Variants in WWTR1 observed in about 807,000 individuals in gnomAD.
WWTR1 encodes the protein WW domain containing transcription regulator 1, also known as WW domain-containing transcription regulator protein 1.
In WWTR1, 13 loss-of-function variants were observed where a neutral mutation model predicts 40.1. The ratio of observed to expected loss-of-function variants is 0.32; its 90% CI spans 0.21 to 0.52. The LOEUF (loss-of-function observed/expected upper bound fraction) is 0.52. WWTR1 is among the 20% of genes least tolerant of loss of function. WWTR1 has a pLI of 0.97. For missense variants in WWTR1, 436 were observed against 523.1 expected (o/e 0.83, Z 1.63); for synonymous variants, 230 against 210.1 (o/e 1.09, Z -0.82).
intron 2 of WWTR1, among the ~76,000 whole-genome samples, chr3:149,647,651 T>C (rs1712612874): frequency 6.6e-6 from 1 of 152,194 alleles, no homozygotes; most frequent in Non-Finnish European, 1.5e-5. Context: ...CACCCACAAT[T>C]TTGGAACTGT....
chr3:149,519,754 C>A lies in WWTR1; in HGVS notation c.*1051G>T, dbSNP rs1320039702. ...ATCAGGAGTTTGAGAACAGCCTGACCATTATGGTGAAACCCCGTCTCTACT... is the reference window on the plus strand; with the variant it reads ...ATCAGGAGTTTGAGAACAGCCTGACAATTATGGTGAAACCCCGTCTCTACT... On this transcript the variant is annotated 3_prime_UTR_variant, in exon 7 of 7. Coordinates refer to ENST00000360632, the MANE Select transcript of WWTR1 (RefSeq NM_015472.6). 10 of 152,118 alleles carry A rather than the reference C, an allele frequency of 6.6e-5. No homozygotes were observed. The highest frequency in any genetic ancestry group is 1.3e-4 in the Admixed American group (2 of 15,274). The allele number at this position is 152,118 out of a possible 1,614,324, so 9.4% of individuals were successfully genotyped here.
intron 1 of WWTR1, among the ~76,000 whole-genome samples, chr3:149,686,844 C>T (rs1559841377): frequency 6.6e-6 from 1 of 152,244 alleles, no homozygotes; most frequent in East Asian, 1.9e-4. Context: ...CATTGCTATC[C>T]ACCCCGCTTC....
intron 2 of WWTR1, among the ~76,000 whole-genome samples, chr3:149,586,859 G>T (rs1444907228): frequency 6.6e-6 from 1 of 152,204 alleles, no homozygotes; most frequent in African/African-American, 2.4e-5. Flanking sequence ...CATAAGGATA[G>T]GGTTCAGAGA....
intron 1 of WWTR1, among the ~76,000 whole-genome samples, chr3:149,679,528 C>T (rs1313747076): frequency 6.6e-6 from 1 of 151,992 alleles, no homozygotes; most frequent in African/African-American, 2.4e-5. Flanking sequence ...TTTAGCTGGA[C>T]TGATCCTAGC....
intron 6 of WWTR1, among the ~76,000 whole-genome samples, chr3:149,525,008 C>T (rs1002388062): frequency 6.6e-6 from 1 of 152,132 alleles, no homozygotes; most frequent in African/African-American, 2.4e-5. Flanking sequence ...GCTAATAAGA[C>T]TAACTTCAGT....
At chr3:149,591,496 A>G (rs1415876119) in intron 2 of WWTR1, among the ~76,000 whole-genome samples, 1 of 152,238 alleles carries the variant, frequency 6.6e-6, no homozygotes, top group Non-Finnish European at 1.5e-5. Flanking sequence ...TGTTCAGTCT[A>G]TAATAAGCTA....
At chr3:149,602,728 G>A (rs1576590466) in intron 2 of WWTR1, among the ~76,000 whole-genome samples, 1 of 152,154 alleles carries the variant, frequency 6.6e-6, no homozygotes, top group African/African-American at 2.4e-5. Flanking sequence ...GCAGTGGCAC[G>A]ATCTCGGCTC....
chr3:149,688,541 CA>C (rs1714722738), intron 1 of WWTR1, among the ~76,000 whole-genome samples: 1 of 152,202 alleles, frequency 6.6e-6, no homozygotes, highest in African/African-American at 2.4e-5. Context: ...AGTACTTCTA[CA>C]AGTCTGCAAG....
intron 2 of WWTR1, among the ~76,000 whole-genome samples, chr3:149,597,596 G>C (rs1576587646): frequency 6.6e-6 from 1 of 152,146 alleles, no homozygotes; most frequent in East Asian, 1.9e-4. Flanking sequence ...GCTGTGAGCT[G>C]TGTGAGAGTG....
intron 2 of WWTR1, among the ~76,000 whole-genome samples, chr3:149,584,832 T>C (rs1489928250): frequency 6.6e-6 from 1 of 152,148 alleles, no homozygotes; most frequent in African/African-American, 2.4e-5. Context: ...CAATGTAAAA[T>C]GGGCATAAGA....
In WWTR1 at chr3:149,527,931, C is replaced by G. The variant is rs147102705; in HGVS notation, c.810G>C (p.Glu270Asp). Residue 270 changes from glutamate (E) to aspartate (D), a missense_variant, in exon 5 of 7, where the codon GAG (glutamate) becomes GAC (aspartate). By Grantham distance (45) the Glu-to-Asp change is conservative. Transcript: ENST00000360632. ...CAGCAGCCTGAACTGGGGCAAGAGT[C>G]TCAGCTTCCATGGGGAGCTGTCGAC... The part of the protein sequence containing the change: ...ALCRQLPMEA[E>D]TLAPVQAAVN... 6 of 1,613,912 alleles carry G rather than the reference C, an allele frequency of 3.7e-6. No individual in the cohort carries two copies. The African/African-American group carries it at 8.0e-5, about 22-fold the overall frequency.
At chr3:149,674,709 A>G (rs947857038) in intron 1 of WWTR1, among the ~76,000 whole-genome samples, 4 of 152,126 alleles carry the variant, frequency 2.6e-5, no homozygotes, top group African/African-American at 9.7e-5. Context: ...TAGCTTGAAG[A>G]TTGTTCTTTT....
Position 149,635,628 on chromosome 3 carries a change from AAAGGAGG to A in WWTR1, c.431+21241_431+21247del, listed in dbSNP as rs1307823945. 2.6e-5 allele frequency among the ~76,000 whole-genome samples: 4 copies of A among 151,730 alleles called. No homozygotes were observed. In the East Asian group the frequency reaches 7.7e-4, roughly 29 times the overall value. ...CGGAAGAGGGAGGAGGAGGAAGGAGAAAGGAGGAAGAAGGAAGAAGGAGAAGAAGAAA... is the reference window on the plus strand; with the variant it reads ...CGGAAGAGGGAGGAGGAGGAAGGAGAAAGAAGGAAGAAGGAGAAGAAGAAA... On this transcript the variant is annotated intron_variant, in intron 2 of 6. Coordinates refer to ENST00000360632, the MANE Select transcript of WWTR1 (RefSeq NM_015472.6).
At chr3:149,577,176 C>CAA (rs961390926) in intron 2 of WWTR1, among the ~76,000 whole-genome samples, 39 of 152,160 alleles carry the variant, frequency 2.6e-4, no homozygotes, top group African/African-American at 9.4e-4. Context: ...AACAAACAAA[C>CAA]AAACAAAAAG....
At chr3:149,670,742 G>C (rs1422992047) in intron 1 of WWTR1, 7 of 151,676 alleles carry the variant, frequency 4.6e-5, no homozygotes, top group Non-Finnish European at 1.0e-4. Context: ...ATAAAAAAAA[G>C]AAGTCAATTC....
intron 2 of WWTR1, among the ~76,000 whole-genome samples, chr3:149,605,517 C>T (rs1281077779): frequency 6.6e-6 from 1 of 152,148 alleles, no homozygotes; most frequent in Non-Finnish European, 1.5e-5. Flanking sequence ...AGTTCCATAA[C>T]AACGGAGAAG....
intron 3 of WWTR1, among the ~76,000 whole-genome samples, chr3:149,569,767 A>G (rs1737531656): frequency 6.6e-6 from 1 of 152,232 alleles, no homozygotes; most frequent in Non-Finnish European, 1.5e-5. Context: ...TTTGACAGCT[A>G]CATTCCATTG....
At chr3:149,523,318 G>A (rs1163186605) in intron 6 of WWTR1, among the ~76,000 whole-genome samples, 2 of 151,202 alleles carry the variant, frequency 1.3e-5, no homozygotes, top group Admixed American at 6.6e-5. Flanking sequence ...GCACAATCTC[G>A]GCTCACTGCA....
intron 4 of WWTR1, among the ~76,000 whole-genome samples, chr3:149,535,642 G>T (rs1677406640): frequency 6.6e-6 from 1 of 151,090 alleles, no homozygotes; most frequent in Non-Finnish European, 1.5e-5. Context: ...TCCACAACTG[G>T]TTTCTGTTGT....
Sources: gnomAD v4.1 joint callset for allele counts (sites outside exome capture counted in the v4.1 genomes callset) on GRCh38, gnomAD v4.1.1 for gene constraint, MANE v1.5 for transcripts, NCBI Gene and HGNC (gene_info 2026-07-23, HGNC 2026-07-21) for gene names.